Variants in CRPPA observed in about 807,000 individuals in gnomAD.
CRPPA encodes the protein D-ribitol-5-phosphate cytidylyltransferase.
Under a neutral mutation model 52.0 loss-of-function variants are expected in CRPPA, and 43 were observed. The observed-to-expected ratio is 0.83, with a 90% CI of 0.65 to 1.07. The LOEUF is 1.07. CRPPA is among the 50% of genes least tolerant of loss of function. The pLI, the probability that CRPPA is intolerant of heterozygous loss-of-function variation, is 0.00. For synonymous variants in CRPPA, 250 were observed against 203.5 expected, an observed-to-expected ratio of 1.23 and a Z score of -1.94; for missense variants, 629 against 551.7, an observed-to-expected ratio of 1.14 and a Z score of -1.40.
rs138689544 is a variant in CRPPA, at chr7:16,252,039, G to C, written c.1119+6351C>G. ...CAAATAGACACAATAAAAAATGATA[G>C]AGAGCATATCACGACTGCATCAGCA... On this transcript the variant is annotated intron_variant, in intron 8 of 9. Coordinates refer to ENST00000407010, the MANE Select transcript of CRPPA (RefSeq NM_001101426.4). 5.0e-4 allele frequency among the ~76,000 whole-genome samples: 76 copies of C among 151,256 alleles called. 1 individual carries two copies. In the East Asian group the frequency reaches 0.013, roughly 26 times the overall value.
intron 8 of CRPPA, among the ~76,000 whole-genome samples, chr7:16,241,180 G>A (rs888869621): frequency 2.6e-5 from 4 of 152,058 alleles, no homozygotes; most frequent in Non-Finnish European, 5.9e-5. Context: ...GTAAATGGAT[G>A]ATGACTTTCT....
intron 2 of CRPPA, among the ~76,000 whole-genome samples, chr7:16,398,673 C>T (rs952185183): frequency 1.3e-5 from 2 of 152,050 alleles, no homozygotes; most frequent in African/African-American, 2.4e-5. Flanking sequence ...CTTTGTGACA[C>T]GTGACATGTG....
chr7:16,117,381 C>T (rs1233349454), intron 9 of CRPPA, among the ~76,000 whole-genome samples: 1 of 152,132 alleles, frequency 6.6e-6, no homozygotes, highest in Non-Finnish European at 1.5e-5. Context: ...GTAGACGAGC[C>T]TTCCTTTTCT....
At chr7:16,260,516 G>A (rs1039469265) in intron 6 of CRPPA, among the ~76,000 whole-genome samples, 6 of 152,020 alleles carry the variant, frequency 3.9e-5, no homozygotes, top group African/African-American at 1.4e-4. Flanking sequence ...TCTTGCTACT[G>A]CTGTGGTTAT....
intron 3 of CRPPA, among the ~76,000 whole-genome samples, chr7:16,310,445 C>G (rs1785009743): frequency 6.6e-6 from 1 of 152,040 alleles, no homozygotes; most frequent in African/African-American, 2.4e-5. Flanking sequence ...TTAACTGTCA[C>G]CCAAGGAAAG....
intron 9 of CRPPA, among the ~76,000 whole-genome samples, chr7:16,212,836 A>G (rs73291458): frequency 0.02 from 2,982 of 152,276 alleles, 101 homozygotes; most frequent in African/African-American, 0.067. Context: ...TCCAGTGTGG[A>G]GGGCAACAGA....
chr7:16,156,127 A>C (rs1783176387), intron 9 of CRPPA, among the ~76,000 whole-genome samples: 1 of 152,036 alleles, frequency 6.6e-6, no homozygotes. Flanking sequence ...AAAAAAAAAA[A>C]AAAAAAATAC....
At chr7:16,183,764 G>T (rs1781454583) in intron 9 of CRPPA, among the ~76,000 whole-genome samples, 1 of 152,074 alleles carries the variant, frequency 6.6e-6, no homozygotes, top group Non-Finnish European at 1.5e-5. Flanking sequence ...ATAGAACAGA[G>T]AATGCTCAAA....
At chr7:16,176,925 G>A (rs1781311427) in intron 9 of CRPPA, among the ~76,000 whole-genome samples, 1 of 152,124 alleles carries the variant, frequency 6.6e-6, no homozygotes, top group Admixed American at 6.6e-5. Context: ...CCTATGGGTT[G>A]AGTAAATCAT....
At chr7:16,131,966 C>A (rs1409598234) in intron 9 of CRPPA, among the ~76,000 whole-genome samples, 1 of 152,142 alleles carries the variant, frequency 6.6e-6, no homozygotes, top group Non-Finnish European at 1.5e-5. Flanking sequence ...GCCAGTAGGG[C>A]AAAGCCTAGG....
chr7:16,272,008 T>A (rs891610362), intron 6 of CRPPA, among the ~76,000 whole-genome samples: 2 of 152,172 alleles, frequency 1.3e-5, no homozygotes, highest in African/African-American at 4.8e-5. Context: ...GTATATAGTA[T>A]AAACTATTTT....
intron 9 of CRPPA, among the ~76,000 whole-genome samples, chr7:16,172,595 A>G (rs1405581409): frequency 6.6e-6 from 1 of 152,172 alleles, no homozygotes. Context: ...ATGAATAAAG[A>G]CTTCTTAGTG....
At chr7:16,374,106 G>T (rs1279791847) in intron 3 of CRPPA, among the ~76,000 whole-genome samples, 1 of 152,152 alleles carries the variant, frequency 6.6e-6, no homozygotes, top group Non-Finnish European at 1.5e-5. Context: ...GTCTGTGAGG[G>T]TGTTGCCAGA....
chr7:16,397,190 G>C (rs953808530), intron 2 of CRPPA, among the ~76,000 whole-genome samples: 2 of 152,242 alleles, frequency 1.3e-5, no homozygotes, highest in Admixed American at 1.3e-4. Flanking sequence ...TTATCAAAAC[G>C]TGATGGACGT....
At chr7:16,128,150 G>A (rs951810910) in intron 9 of CRPPA, among the ~76,000 whole-genome samples, 2 of 152,080 alleles carry the variant, frequency 1.3e-5, no homozygotes, top group African/African-American at 4.8e-5. Flanking sequence ...AGAACACCAG[G>A]AAGAACTGAA....
At chr7:16,094,795 A>G (rs1781904500) in intron 9 of CRPPA, among the ~76,000 whole-genome samples, 1 of 152,126 alleles carries the variant, frequency 6.6e-6, no homozygotes. Flanking sequence ...AGACATCGGA[A>G]AAGTTCCTGT....
chr7:16,137,177 G>C (rs1000915671), intron 9 of CRPPA, among the ~76,000 whole-genome samples: 2 of 152,190 alleles, frequency 1.3e-5, no homozygotes, highest in African/African-American at 4.8e-5. Flanking sequence ...AATGGGATTA[G>C]TATGCTGCTT....
At chr7:16,416,598 G>A (rs1473226309) in intron 1 of CRPPA, among the ~76,000 whole-genome samples, 1 of 152,050 alleles carries the variant, frequency 6.6e-6, no homozygotes, top group East Asian at 1.9e-4. Context: ...ACTCTGGGAG[G>A]CCGACGCAGG....
chr7:16,157,166 G>C (rs1374195203), intron 9 of CRPPA, among the ~76,000 whole-genome samples: 1 of 146,502 alleles, frequency 6.8e-6, no homozygotes, highest in Non-Finnish European at 1.5e-5. Flanking sequence ...GAAATCTTTC[G>C]GAACACAAAT....
Sources: gnomAD v4.1 joint callset for allele counts (sites outside exome capture counted in the v4.1 genomes callset) on GRCh38, gnomAD v4.1.1 for gene constraint, MANE v1.5 for transcripts, NCBI Gene and HGNC (gene_info 2026-07-23, HGNC 2026-07-21) for gene names.